Variants in PCDHA5 observed in about 807,000 individuals in gnomAD.
PCDHA5 encodes protocadherin alpha 5.
A neutral mutation model predicts 61.6 loss-of-function variants in PCDHA5; 43 were observed. That is an observed-to-expected ratio of 0.70 (90% CI 0.55 to 0.90). The LOEUF (loss-of-function observed/expected upper bound fraction) is 0.90. Ranked by LOEUF, PCDHA5 falls within the 40% of genes least tolerant of loss-of-function variation. PCDHA5 has a pLI of 0.00. For synonymous variants in PCDHA5, 627 were observed against 543.9 expected (o/e 1.15, Z -2.13); for missense variants, 1,298 against 1,222.7 (o/e 1.06, Z -0.92).
At chr5:140,882,920 G>C (rs2059362328) in intron 1 of PCDHA5, 1 of 1,614,090 alleles carries the variant, frequency 6.2e-7, no homozygotes. Flanking sequence ...CAGTGATGGA[G>C]GTAAACCCGA....
chr5:140,877,994 G>A lies in PCDHA5; in HGVS notation c.2352+53867G>A, dbSNP rs1349448705. On this transcript the variant is annotated intron_variant, in intron 1 of 3. Coordinates refer to ENST00000529859, the MANE Select transcript of PCDHA5 (RefSeq NM_018908.3). Reference sequence around the variant, plus strand: ...ATTCTTACTCATTTTGAACTTTTATGTATTTGTCTAACATTAATGAAGGAA... The same window carrying A: ...ATTCTTACTCATTTTGAACTTTTATATATTTGTCTAACATTAATGAAGGAA... The A allele has an allele frequency of 8.3e-6, 9 of 1,078,340 alleles. No homozygotes were observed. The Admixed American group carries it at 1.0e-4, about 12-fold the overall frequency. 66.8% of individuals were successfully genotyped at this position (1,078,340 alleles called of 1,614,324 possible). A position where few individuals can be genotyped will look rare whatever the true frequency, so the allele number is the denominator to read the frequency against.
At position 141,003,207 on chromosome 5, in the gene PCDHA5, T is replaced by C. The variant is rs141066841; in HGVS notation, c.2501-6420T>C. On this transcript the variant is annotated intron_variant, in intron 3 of 3. Coordinates refer to ENST00000529859, the MANE Select transcript of PCDHA5 (RefSeq NM_018908.3). Reference sequence around the variant, plus strand: ...CATCAACTCAGGCAGCCAGGGTTAGTTTAGCATGAAAGAGGAAAGCTGGAA... The same window carrying C: ...CATCAACTCAGGCAGCCAGGGTTAGCTTAGCATGAAAGAGGAAAGCTGGAA... Among the ~76,000 whole-genome samples the C allele has an allele frequency of 6.3e-3, 959 of 152,338 alleles. 16 individuals carry two copies. The highest frequency in any genetic ancestry group is 0.021 in the African/African-American group (892 of 41,582).
intron 1 of PCDHA5, chr5:140,869,678 T>A: frequency 1.9e-6 from 3 of 1,613,496 alleles, no homozygotes; most frequent in East Asian, 4.5e-5. Flanking sequence ...ATTAAAAGAC[T>A]GTCACTTATT....
At chr5:140,883,390 G>T (rs373348994) in intron 1 of PCDHA5, 4 of 1,614,050 alleles carry the variant, frequency 2.5e-6, no homozygotes, top group East Asian at 4.5e-5. Context: ...TAATCAGTGT[G>T]TCCGATCGTG....
At chr5:140,865,274 A>G (rs1465243720) in intron 1 of PCDHA5, 5 of 152,220 alleles carry the variant, frequency 3.3e-5, no homozygotes, top group African/African-American at 1.2e-4. Flanking sequence ...AATTATATGT[A>G]AAATTACTTT....
intron 1 of PCDHA5, among the ~76,000 whole-genome samples, chr5:140,947,922 C>T (rs2094193763): frequency 6.6e-6 from 1 of 151,450 alleles, no homozygotes; most frequent in Admixed American, 6.6e-5. Context: ...TTGCCTTAAC[C>T]CTGATCTTAT....
At chr5:140,830,003 G>T (rs1554132452) in intron 1 of PCDHA5, 5 of 1,613,852 alleles carry the variant, frequency 3.1e-6, no homozygotes, top group Non-Finnish European at 4.2e-6. Flanking sequence ...TCGTGTCCTG[G>T]ACGAAGCGGA....
chr5:140,827,471 T>C (rs1554130800), intron 1 of PCDHA5, among the ~76,000 whole-genome samples: 2 of 152,222 alleles, frequency 1.3e-5, no homozygotes, highest in Non-Finnish European at 2.9e-5. Flanking sequence ...CTGATATTTA[T>C]TGAACAAAGA....
chr5:140,875,329 T>C, intron 1 of PCDHA5: 1 of 1,437,476 alleles, frequency 7.0e-7, no homozygotes, highest in Non-Finnish European at 9.1e-7. Flanking sequence ...ATTCACGGAA[T>C]AGGATCGACT....
intron 1 of PCDHA5, chr5:140,967,369 G>A (rs147557274): frequency 2.4e-5 from 38 of 1,607,564 alleles, no homozygotes; most frequent in Non-Finnish European, 2.9e-5. Context: ...AGCCCCTGCA[G>A]GAGAACAGTA....
intron 3 of PCDHA5, among the ~76,000 whole-genome samples, chr5:140,991,587 C>T (rs1469333893): frequency 1.3e-5 from 2 of 152,208 alleles, no homozygotes; most frequent in African/African-American, 2.4e-5. Flanking sequence ...CTTATTTCTA[C>T]CTGAGCCCTC....
At chr5:140,829,657 G>A (rs1554132157) in intron 1 of PCDHA5, 2 of 1,612,592 alleles carry the variant, frequency 1.2e-6, no homozygotes, top group Non-Finnish European at 1.7e-6. Flanking sequence ...CGCTGCAGCC[G>A]CTGGACCACG....
At chr5:140,883,853 G>C in intron 1 of PCDHA5, 2 of 1,613,002 alleles carry the variant, frequency 1.2e-6, no homozygotes, top group Middle Eastern at 1.9e-4. Flanking sequence ...CGAGGAGCTG[G>C]AGCTGTTGCA....
intron 1 of PCDHA5, among the ~76,000 whole-genome samples, chr5:140,874,252 G>A (rs532178726): frequency 6.6e-6 from 1 of 152,286 alleles, no homozygotes; most frequent in Non-Finnish European, 1.5e-5. Flanking sequence ...TTGGTTTAAA[G>A]ATTTTGACTT....
chr5:140,917,440 C>A (rs913046487), intron 1 of PCDHA5, among the ~76,000 whole-genome samples: 1 of 151,666 alleles, frequency 6.6e-6, no homozygotes, highest in Non-Finnish European at 1.5e-5. Flanking sequence ...TTTGTTTTTG[C>A]TGCAAGAGCG....
At position 140,849,935 on chromosome 5, in the gene PCDHA5, G is replaced by C. The variant is rs2150458512; in HGVS notation, c.2352+25808G>C. The C allele has an allele frequency of 9.4e-6, 15 of 1,598,054 alleles. 1 individual carries two copies. In the East Asian group the frequency reaches 3.1e-4, roughly 33 times the overall value. On this transcript the variant is annotated intron_variant, in intron 1 of 3. Transcript: ENST00000529859. ...GCCACATCTTCACGGTGTCTGCGCG[G>C]GACGCTGACGCGCAGGAGAACGCCC...
rs782547925 is a variant in PCDHA5, at chr5:140,967,973, G to A, written c.2353-10976G>A. 4 of 1,614,170 alleles carry A rather than the reference G, an allele frequency of 2.5e-6. No individual in the cohort carries two copies. In the African/African-American group the frequency reaches 4.0e-5, roughly 16 times the overall value. On this transcript the variant is annotated intron_variant, in intron 1 of 3. Coordinates refer to ENST00000529859, the MANE Select transcript of PCDHA5 (RefSeq NM_018908.3). ...AGGCCCCAACCGGAAAGTGAGCCTG[G>A]GTCTGGAGGCCACACTGCCTTTCCG... is the stretch of plus-strand genomic sequence containing the variant.
At chr5:140,926,204 G>C (rs888951769) in intron 1 of PCDHA5, among the ~76,000 whole-genome samples, 1 of 151,802 alleles carries the variant, frequency 6.6e-6, no homozygotes, top group South Asian at 2.2e-4. Context: ...CTTTCGGGGG[G>C]CTCCTGTTTC....
chr5:140,882,836 T>C (rs782210486), intron 1 of PCDHA5: 1 of 1,614,226 alleles, frequency 6.2e-7, no homozygotes, highest in South Asian at 1.1e-5. Flanking sequence ...TGAGCAAATG[T>C]CTTCATTATC....
Sources: gnomAD v4.1 joint callset for allele counts (sites outside exome capture counted in the v4.1 genomes callset) on GRCh38, gnomAD v4.1.1 for gene constraint, MANE v1.5 for transcripts, NCBI Gene and HGNC (gene_info 2026-07-23, HGNC 2026-07-21) for gene names.